Variants in NHEJ1 observed in about 807,000 individuals in gnomAD.
NHEJ1 encodes non-homologous end-joining factor 1.
In NHEJ1, 22 loss-of-function variants were observed where a neutral mutation model predicts 39.4. The observed-to-expected ratio is 0.56, with a 90% CI of 0.40 to 0.80. The LOEUF (loss-of-function observed/expected upper bound fraction) is 0.80. Among genes scored for constraint, NHEJ1 ranks in the 30% least tolerant of loss-of-function variants. The pLI is 0.00. For missense variants in NHEJ1, 329 were observed against 357.1 expected, an observed-to-expected ratio of 0.92 and a Z score of 0.63; for synonymous variants, 154 against 135.6, an observed-to-expected ratio of 1.14 and a Z score of -0.94.
chr2:219,130,624 C>A (rs1209640921), intron 5 of NHEJ1, among the ~76,000 whole-genome samples: 1 of 152,196 alleles, frequency 6.6e-6, no homozygotes, highest in Non-Finnish European at 1.5e-5. Context: ...CTCCCATTTA[C>A]TGTCCAAAGG....
At chr2:219,126,022 G>C (rs1949511323) in intron 5 of NHEJ1, among the ~76,000 whole-genome samples, 1 of 152,228 alleles carries the variant, frequency 6.6e-6, no homozygotes, top group African/African-American at 2.4e-5. Context: ...CTCCAAGATA[G>C]AGGATTCCCT....
intron 3 of NHEJ1, among the ~76,000 whole-genome samples, chr2:219,148,156 G>A (rs1574742472): frequency 6.6e-6 from 1 of 152,194 alleles, no homozygotes; most frequent in Non-Finnish European, 1.5e-5. Flanking sequence ...CCACTCGAGA[G>A]GCTGAGGCAC....
At chr2:219,077,203 G>A in intron 7 of NHEJ1, 43 bp downstream of exon 7, 3 of 1,443,712 alleles carry the variant, frequency 2.1e-6, no homozygotes, top group Admixed American at 3.3e-5. Context: ...GGCTATAGGT[G>A]CCAACTCTCA....
rs145007203 is a variant in NHEJ1, at chr2:219,153,567, C to T, written c.390+3905G>A. On this transcript the variant is annotated intron_variant, in intron 3 of 7. Coordinates refer to ENST00000356853, the MANE Select transcript of NHEJ1 (RefSeq NM_024782.3). Reference sequence around the variant, plus strand: ...GAACCCAGAGACCTGGGGCCAAGCACGGAGGCTTACGCCTATAATTCCAAC... The same window carrying T: ...GAACCCAGAGACCTGGGGCCAAGCATGGAGGCTTACGCCTATAATTCCAAC... Among the ~76,000 whole-genome samples, 1,309 of 152,132 alleles carry T rather than the reference C, an allele frequency of 8.6e-3. 11 individuals are homozygous for T. Among genetic ancestry groups the T allele is most frequent in the African/African-American group, 0.03 (1,230 of 41,506 alleles).
rs1949003874 is a variant in NHEJ1 at position 219,075,474 on chromosome 2, T to C, written c.*907A>G. The C allele has an allele frequency of 6.6e-6, 1 of 152,076 alleles. No homozygotes were observed. The highest frequency in any genetic ancestry group is 6.6e-5 in the Admixed American group (1 of 15,266). 9.4% of individuals were successfully genotyped at this position (152,076 alleles called of 1,614,324 possible). On this transcript the variant is annotated 3_prime_UTR_variant, in exon 8 of 8. Coordinates refer to ENST00000356853, the MANE Select transcript of NHEJ1 (RefSeq NM_024782.3). ...AAATAAACCAGAAATTGGATAGGCG[T>C]GGTAGCTCATGCCTGTAATCCCAGC...
In NHEJ1 at chr2:219,095,393, G is replaced by A. The variant is rs766272452; in HGVS notation, c.589-17187C>T. The A allele has an allele frequency of 4.5e-5, 21 of 467,594 alleles. 1 individual carries two copies. The highest frequency in any genetic ancestry group is 3.3e-4 in the South Asian group (21 of 64,250). 29.0% of individuals were successfully genotyped at this position (467,594 alleles called of 1,614,324 possible). A position where few individuals can be genotyped will look rare whatever the true frequency, so the allele number is the denominator to read the frequency against. ...AAATTATTTAGTTAGTAGTAGTCCT[G>A]ACTGTTAAAAGATCTCACCATCAAG... On this transcript the variant is annotated intron_variant, in intron 5 of 7. Coordinates refer to ENST00000356853, the MANE Select transcript of NHEJ1 (RefSeq NM_024782.3).
chr2:219,088,497 A>C (rs1007130348), intron 5 of NHEJ1, among the ~76,000 whole-genome samples: 2 of 152,118 alleles, frequency 1.3e-5, no homozygotes, highest in Non-Finnish European at 2.9e-5. Context: ...TGTCTCAAGA[A>C]AAGAAAAAAA....
At chr2:219,083,580 A>G (rs1454075590) in intron 5 of NHEJ1, among the ~76,000 whole-genome samples, 1 of 152,198 alleles carries the variant, frequency 6.6e-6, no homozygotes, top group Non-Finnish European at 1.5e-5. Flanking sequence ...TGGGAAAGCC[A>G]TCATACTTAA....
chr2:219,078,130 G>A lies in NHEJ1; in HGVS notation c.665C>T (p.Thr222Ile). 2.5e-6 allele frequency: 4 copies of A among 1,614,142 alleles called. No homozygotes were observed. In the African/African-American group the frequency reaches 5.3e-5, roughly 22 times the overall value. ...MNLQDLYMAV[T>I]TQEVQVGQKH... Reference sequence around the variant, plus strand: ...CTGTCCCACTTGGACCTCTTGTGTGGTGACTGCCATATACAGATCCTGCAG... The same window carrying A: ...CTGTCCCACTTGGACCTCTTGTGTGATGACTGCCATATACAGATCCTGCAG... The change falls in exon 6 of 8, where the codon ACC (threonine) becomes ATC (isoleucine). Residue 222 changes from threonine (T) to isoleucine (I), a missense_variant. Thr to Ile is a moderately conservative substitution (Grantham distance 89). Coordinates refer to ENST00000356853, the MANE Select transcript of NHEJ1 (RefSeq NM_024782.3).
chr2:219,153,743 C>A (rs544162924), intron 3 of NHEJ1, among the ~76,000 whole-genome samples: 1 of 149,186 alleles, frequency 6.7e-6, no homozygotes, highest in East Asian at 2.0e-4. Flanking sequence ...AACAGAGACC[C>A]AAAACCCAAT....
At chr2:219,091,140 A>G (rs1222766441) in intron 5 of NHEJ1, among the ~76,000 whole-genome samples, 1 of 152,124 alleles carries the variant, frequency 6.6e-6, no homozygotes, top group African/African-American at 2.4e-5. Flanking sequence ...GTATCTGTGG[A>G]AAAAGTTTTG....
chr2:219,095,436 T>G (rs1379443406), intron 5 of NHEJ1: 2 of 447,630 alleles, frequency 4.5e-6, no homozygotes, highest in African/African-American at 4.0e-5. Context: ...CATGTGTTTC[T>G]GGGTGATATT....
intron 3 of NHEJ1, among the ~76,000 whole-genome samples, chr2:219,151,924 TG>T (rs1172089352): frequency 3.3e-5 from 5 of 152,182 alleles, no homozygotes; most frequent in Admixed American, 3.3e-4. Context: ...GCCGAGATCA[TG>T]CCACTGCACT....
chr2:219,078,249 C>T, intron 5 of NHEJ1, 43 bp from the exon 6 acceptor site: 1 of 1,518,566 alleles, frequency 6.6e-7, no homozygotes, highest in Non-Finnish European at 9.1e-7. Context: ...CACTGTATTG[C>T]TAGAGAAGCG....
In NHEJ1 at chr2:219,115,727, C is replaced by T. The variant is rs1266712291; in HGVS notation, c.588+30953G>A. Among the ~76,000 whole-genome samples, 5 of 152,310 alleles carry T rather than the reference C, an allele frequency of 3.3e-5. No homozygotes were observed. In the South Asian group the frequency reaches 1.0e-3, roughly 32 times the overall value. The stretch of plus-strand genomic sequence containing the variant: ...CTTCTTTTCATACACAAAGTCCACT[C>T]CGACAACTCATGTGGGCTGTCTCCG... On this transcript the variant is annotated intron_variant, in intron 5 of 7. Transcript: ENST00000356853.
At chr2:219,103,004 CAAAAAAAAAAA>C (rs34361973) in intron 5 of NHEJ1, among the ~76,000 whole-genome samples, 6 of 31,584 alleles carry the variant, frequency 1.9e-4, no homozygotes, top group Admixed American at 5.0e-4. Flanking sequence ...GACTCCGTCT[CAAAAAAAAAAA>C]AAAAAAAAAA....
At chr2:219,119,247 A>C (rs918324610) in intron 5 of NHEJ1, among the ~76,000 whole-genome samples, 2 of 152,242 alleles carry the variant, frequency 1.3e-5, no homozygotes, top group African/African-American at 2.4e-5. Flanking sequence ...AAATCTGTCA[A>C]AAGACAGAAA....
chr2:219,101,503 T>C (rs1190681214), intron 5 of NHEJ1, among the ~76,000 whole-genome samples: 5 of 152,076 alleles, frequency 3.3e-5, no homozygotes, highest in Non-Finnish European at 7.4e-5. Flanking sequence ...GTCAAACTCC[T>C]GGGCTCAAGC....
intron 5 of NHEJ1, among the ~76,000 whole-genome samples, chr2:219,129,582 C>A (rs1949556940): frequency 6.6e-6 from 1 of 152,242 alleles, no homozygotes; most frequent in African/African-American, 2.4e-5. Flanking sequence ...ACTAATTTGT[C>A]CTGTAAGGGG....
Sources: gnomAD v4.1 joint callset for allele counts (sites outside exome capture counted in the v4.1 genomes callset) on GRCh38, gnomAD v4.1.1 for gene constraint, MANE v1.5 for transcripts, NCBI Gene and HGNC (gene_info 2026-07-23, HGNC 2026-07-21) for gene names.